Variants in SCFD2 observed in about 807,000 individuals in gnomAD.
The protein encoded by SCFD2 is sec1 family domain containing 2, also known as sec1 family domain-containing protein 2.
A neutral mutation model predicts 58.9 loss-of-function variants in SCFD2; 54 were observed. The observed-to-expected ratio is 0.92, with a 90% confidence interval of 0.74 to 1.15. The LOEUF (loss-of-function observed/expected upper bound fraction) is 1.15, where lower values mean the gene tolerates loss of function less well. Ranked by LOEUF, SCFD2 falls within the 50% of genes most tolerant of loss-of-function variation. The probability of loss-of-function intolerance (pLI) is 0.00; values close to 1 mark genes in which losing one functional copy is unlikely to be tolerated. For synonymous variants in SCFD2, 321 were observed against 335.9 expected, an observed-to-expected ratio of 0.96 and a Z score of 0.49; for missense variants, 805 against 836.6, an observed-to-expected ratio of 0.96 and a Z score of 0.47.
intron 5 of SCFD2, 91 bp downstream of exon 5, chr4:53,145,242 G>T: frequency 1.4e-6 from 2 of 1,462,258 alleles, no homozygotes; most frequent in Non-Finnish European, 9.3e-7. Context: ...CAGTGAAGAT[G>T]GTTACCTCCT....
chr4:53,196,938 G>A (rs1728076771), intron 4 of SCFD2, among the ~76,000 whole-genome samples: 1 of 151,998 alleles, frequency 6.6e-6, no homozygotes, highest in African/African-American at 2.4e-5. Context: ...CACAAAATTG[G>A]TTATTATTAT....
intron 4 of SCFD2, among the ~76,000 whole-genome samples, chr4:53,198,653 T>C (rs1381723059): frequency 1.3e-5 from 2 of 151,792 alleles, no homozygotes; most frequent in South Asian, 2.1e-4. Context: ...GTTTTGGTTT[T>C]ATGCTGTGTG....
chr4:52,967,591 T>C (rs1330846149), intron 5 of SCFD2, among the ~76,000 whole-genome samples: 1 of 152,212 alleles, frequency 6.6e-6, no homozygotes, highest in Non-Finnish European at 1.5e-5. Context: ...TGTCTCTCAG[T>C]TCCTGCCAGT....
At position 53,001,417 on chromosome 4, in the gene SCFD2, T is replaced by C. The variant is rs80031586; in HGVS notation, c.1562-80547A>G. ...CGAACTGTTTTTCCAGTATTTTGTT[T>C]CTCTTTGTTTATTTGGCTTGATTAG... On this transcript the variant is annotated intron_variant, in intron 5 of 8. Coordinates refer to ENST00000401642, the MANE Select transcript of SCFD2 (RefSeq NM_152540.4). Among the ~76,000 whole-genome samples, 455 of 152,334 alleles carry C rather than the reference T, an allele frequency of 3.0e-3. 6 individuals carry two copies. The East Asian group carries it at 0.035, about 12-fold the overall frequency.
chr4:53,057,759 T>C (rs976320410), intron 5 of SCFD2, among the ~76,000 whole-genome samples: 3 of 151,924 alleles, frequency 2.0e-5, no homozygotes, highest in Non-Finnish European at 2.9e-5. Context: ...CCATTCAAGA[T>C]AGGGAGGGAG....
intron 5 of SCFD2, among the ~76,000 whole-genome samples, chr4:52,978,181 A>C (rs1020239017): frequency 1.3e-5 from 2 of 152,178 alleles, no homozygotes; most frequent in Non-Finnish European, 2.9e-5. Flanking sequence ...AACAGTCATC[A>C]TAAGTGAGGA....
intron 5 of SCFD2, among the ~76,000 whole-genome samples, chr4:53,116,523 C>T (rs1419200462): frequency 6.6e-6 from 1 of 152,136 alleles, no homozygotes; most frequent in Admixed American, 6.6e-5. Context: ...AAGCAGAATC[C>T]TACCCAAAAG....
chr4:53,295,828 T>A (rs1175191083), intron 3 of SCFD2, among the ~76,000 whole-genome samples: 6 of 152,242 alleles, frequency 3.9e-5, no homozygotes, highest in African/African-American at 1.4e-4. Flanking sequence ...CATAGTTTAT[T>A]GAGAGTTTTT....
chr4:53,248,053 T>C (rs1239230300), intron 4 of SCFD2, among the ~76,000 whole-genome samples: 2 of 152,040 alleles, frequency 1.3e-5, no homozygotes, highest in African/African-American at 4.8e-5. Flanking sequence ...TGGGCGCAGG[T>C]CAGTGGGTGC....
intron 4 of SCFD2, among the ~76,000 whole-genome samples, chr4:53,222,089 C>T (rs1729063424): frequency 6.6e-6 from 1 of 152,230 alleles, no homozygotes; most frequent in African/African-American, 2.4e-5. Flanking sequence ...TCGGCTAACA[C>T]TGTGAAAATC....
rs559349426 is a variant in SCFD2, at chr4:53,227,657, T to C, written c.1311+46169A>G. 2.0e-5 allele frequency among the ~76,000 whole-genome samples: 3 copies of C among 152,240 alleles called. No homozygotes were observed. The South Asian group carries it at 6.2e-4, about 32-fold the overall frequency. On this transcript the variant is annotated intron_variant, in intron 4 of 8. Coordinates refer to ENST00000401642, the MANE Select transcript of SCFD2 (RefSeq NM_152540.4). ...TCTAAACCCTTTATTCCAATATGAT[T>C]CACCCATCAGTCATAATATATGGCT...
At chr4:53,260,594 G>A (rs564791137) in intron 4 of SCFD2, among the ~76,000 whole-genome samples, 61 of 152,192 alleles carry the variant, frequency 4.0e-4, no homozygotes, top group African/African-American at 1.4e-3. Context: ...GATCATGGTG[G>A]ATGATCTTTT....
chr4:53,336,930 A>G (rs1219190680), intron 2 of SCFD2, among the ~76,000 whole-genome samples: 1 of 152,218 alleles, frequency 6.6e-6, no homozygotes, highest in Non-Finnish European at 1.5e-5. Context: ...AAAAGAAAAA[A>G]AGAGAGAAAA....
chr4:53,291,273 A>G (rs891456238), intron 3 of SCFD2, among the ~76,000 whole-genome samples: 2 of 151,996 alleles, frequency 1.3e-5, no homozygotes, highest in South Asian at 4.1e-4. Flanking sequence ...TATCCCTGGC[A>G]TGTAAGGCTA....
intron 5 of SCFD2, among the ~76,000 whole-genome samples, chr4:53,068,951 CTA>C (rs1338623461): frequency 1.3e-5 from 2 of 151,980 alleles, no homozygotes; most frequent in African/African-American, 4.8e-5. Context: ...CTCATTCTCC[CTA>C]CCTTAAGTAA....
At chr4:53,152,772 C>T (rs1343787465) in intron 4 of SCFD2, among the ~76,000 whole-genome samples, 3 of 152,156 alleles carry the variant, frequency 2.0e-5, no homozygotes, top group Non-Finnish European at 4.4e-5. Flanking sequence ...CTATTTACTT[C>T]CAAGATACAA....
intron 3 of SCFD2, among the ~76,000 whole-genome samples, chr4:53,277,208 C>A (rs1731353906): frequency 6.6e-6 from 1 of 152,182 alleles, no homozygotes. Flanking sequence ...ATTAATTCAG[C>A]CTCTTACGTG....
intron 5 of SCFD2, among the ~76,000 whole-genome samples, chr4:53,034,007 C>CA (rs1211032225): frequency 1.3e-5 from 2 of 151,972 alleles, no homozygotes; most frequent in African/African-American, 4.8e-5. Context: ...AGAGACACAA[C>CA]AAAAAAAGAA....
chr4:53,303,288 G>A (rs910081927), intron 3 of SCFD2, among the ~76,000 whole-genome samples: 18 of 152,016 alleles, frequency 1.2e-4, no homozygotes, highest in African/African-American at 2.4e-4. Context: ...AAAAGTGGGC[G>A]AAGGATATGA....
Sources: allele counts gnomAD v4.1 joint callset (sites outside exome capture counted in the v4.1 genomes callset), GRCh38; gene constraint gnomAD v4.1.1; transcripts MANE v1.5; gene names NCBI Gene and HGNC (gene_info 2026-07-23, HGNC 2026-07-21).